The following ANKS1B variants were observed in gnomAD, a reference collection of about 807,000 sequenced individuals.
ANKS1B encodes the protein ankyrin repeat and sterile alpha motif domain-containing protein 1B.
Under a neutral mutation model 148.3 loss-of-function variants are expected in ANKS1B, and 36 were observed. The ratio of observed to expected loss-of-function variants is 0.24; its 90% CI spans 0.19 to 0.32. The LOEUF (loss-of-function observed/expected upper bound fraction) is 0.32. Ranked by LOEUF, ANKS1B falls within the 10% of genes least tolerant of loss-of-function variation. The pLI, the probability that ANKS1B is intolerant of heterozygous loss-of-function variation, is 1.00. For missense variants in ANKS1B, 1,157 were observed against 1,542.6 expected (o/e 0.75, Z 4.19); for synonymous variants, 542 against 560.8 (o/e 0.97, Z 0.47).
chr12:98,898,699 T>C (rs2099768153), intron 17 of ANKS1B, among the ~76,000 whole-genome samples: 1 of 152,196 alleles, frequency 6.6e-6, no homozygotes, highest in African/African-American at 2.4e-5. Flanking sequence ...AGATAATATA[T>C]AGTCTGATGT....
intron 12 of ANKS1B, among the ~76,000 whole-genome samples, chr12:99,258,545 T>A (rs771495788): frequency 3.4e-4 from 52 of 151,688 alleles, no homozygotes; most frequent in Non-Finnish European, 7.5e-4. Flanking sequence ...ACTGTCAACT[T>A]GTCTCAACAA....
chr12:99,442,961 T>C (rs933914005), intron 11 of ANKS1B, among the ~76,000 whole-genome samples: 6 of 151,908 alleles, frequency 3.9e-5, no homozygotes, highest in African/African-American at 1.4e-4. Flanking sequence ...TCTGGGTCCA[T>C]CTGTTGGCAA....
intron 12 of ANKS1B, among the ~76,000 whole-genome samples, chr12:99,395,156 T>C (rs1472544689): frequency 6.6e-6 from 1 of 152,164 alleles, no homozygotes; most frequent in Non-Finnish European, 1.5e-5. Flanking sequence ...CTTACTGCAA[T>C]GCTACAATTG....
intron 15 of ANKS1B, among the ~76,000 whole-genome samples, chr12:99,092,798 C>G (rs2054526653): frequency 6.6e-6 from 1 of 152,144 alleles, no homozygotes; most frequent in African/African-American, 2.4e-5. Flanking sequence ...GAAAGAAGTA[C>G]CTAAAAAGAT....
chr12:99,129,752 G>A (rs2065553419), intron 15 of ANKS1B, among the ~76,000 whole-genome samples: 1 of 152,148 alleles, frequency 6.6e-6, no homozygotes, highest in South Asian at 2.1e-4. Flanking sequence ...ATAAATAGGG[G>A]AAGAAGCTAT....
intron 8 of ANKS1B, among the ~76,000 whole-genome samples, chr12:99,713,577 CA>C (rs1426295503): frequency 6.6e-6 from 1 of 152,144 alleles, no homozygotes; most frequent in Non-Finnish European, 1.5e-5. Context: ...GACTGCAGAA[CA>C]AAATTCTGCT....
At chr12:98,843,656 T>C (rs531581357) in intron 17 of ANKS1B, among the ~76,000 whole-genome samples, 1 of 152,206 alleles carries the variant, frequency 6.6e-6, no homozygotes, top group African/African-American at 2.4e-5. Context: ...GTGACTACAG[T>C]TTAATCGGTG....
chr12:99,350,878 A>C (rs1237925465), intron 12 of ANKS1B, among the ~76,000 whole-genome samples: 1 of 152,066 alleles, frequency 6.6e-6, no homozygotes, highest in African/African-American at 2.4e-5. Flanking sequence ...ACGGTCACTT[A>C]GTTCTGCATT....
At chr12:99,619,421 TA>T (rs1165718847) in intron 9 of ANKS1B, among the ~76,000 whole-genome samples, 1 of 151,926 alleles carries the variant, frequency 6.6e-6, no homozygotes, top group Non-Finnish European at 1.5e-5. Flanking sequence ...TGAGACACCC[TA>T]GTCTTCCTGC....
intron 17 of ANKS1B, among the ~76,000 whole-genome samples, chr12:99,030,866 T>A (rs1008315975): frequency 1.3e-5 from 2 of 152,174 alleles, no homozygotes; most frequent in African/African-American, 4.8e-5. Flanking sequence ...AGAAGGGTCA[T>A]TTTGAGACCA....
chr12:99,471,211 G>A (rs1242143661), intron 10 of ANKS1B, among the ~76,000 whole-genome samples: 2 of 151,770 alleles, frequency 1.3e-5, no homozygotes, highest in East Asian at 3.9e-4. Flanking sequence ...AAGCTTTCCA[G>A]GTTCATTAAA....
intron 17 of ANKS1B, among the ~76,000 whole-genome samples, chr12:98,863,375 A>G (rs1860515806): frequency 6.6e-6 from 1 of 152,184 alleles, no homozygotes; most frequent in African/African-American, 2.4e-5. Context: ...GACGCCAGCT[A>G]TGCAAATTAG....
At chr12:99,537,216 T>C (rs1327941108) in intron 9 of ANKS1B, among the ~76,000 whole-genome samples, 1 of 152,196 alleles carries the variant, frequency 6.6e-6, no homozygotes, top group Non-Finnish European at 1.5e-5. Flanking sequence ...AGTGCTACAA[T>C]AAACATAGGA....
At chr12:98,897,124 G>A (rs1024372693) in intron 17 of ANKS1B, among the ~76,000 whole-genome samples, 36 of 152,096 alleles carry the variant, frequency 2.4e-4, no homozygotes, top group African/African-American at 7.0e-4. Flanking sequence ...TTTCTACCTG[G>A]CTAGTGAAAA....
chr12:99,686,075 A>G (rs900757646), intron 8 of ANKS1B, among the ~76,000 whole-genome samples: 8 of 152,118 alleles, frequency 5.3e-5, no homozygotes, highest in African/African-American at 1.2e-4. Flanking sequence ...AATCACCACT[A>G]AAGAACTTAT....
At chr12:99,758,116 G>A (rs1003733231) in intron 8 of ANKS1B, among the ~76,000 whole-genome samples, 4 of 151,878 alleles carry the variant, frequency 2.6e-5, no homozygotes, top group Non-Finnish European at 5.9e-5. Flanking sequence ...GGCTCTCATT[G>A]ATTTTTGACC....
chr12:99,376,438 A>G (rs1037280046), intron 12 of ANKS1B, among the ~76,000 whole-genome samples: 2 of 152,200 alleles, frequency 1.3e-5, no homozygotes, highest in Non-Finnish European at 2.9e-5. Context: ...GTGTTCAGAT[A>G]GTGCTTTCAT....
intron 1 of ANKS1B, among the ~76,000 whole-genome samples, chr12:99,832,844 A>T (rs1315779899): frequency 6.6e-6 from 1 of 152,218 alleles, no homozygotes; most frequent in Non-Finnish European, 1.5e-5. Context: ...ATTAGGATTC[A>T]TTCACACTAT....
intron 10 of ANKS1B, among the ~76,000 whole-genome samples, chr12:99,473,237 C>T (rs1021332363): frequency 1.3e-5 from 2 of 151,878 alleles, no homozygotes; most frequent in African/African-American, 4.8e-5. Flanking sequence ...AATTCTGACT[C>T]CTTTTTTTCA....
Sources: gnomAD v4.1 joint callset for allele counts (sites outside exome capture counted in the v4.1 genomes callset) on GRCh38, gnomAD v4.1.1 for gene constraint, MANE v1.5 for transcripts, NCBI Gene and HGNC (gene_info 2026-07-23, HGNC 2026-07-21) for gene names.